IL17D: variants seen among roughly 807,000 people sequenced by gnomAD.
The protein encoded by IL17D is interleukin-17D.
Under a neutral mutation model 5.7 loss-of-function variants are expected in IL17D, and 10 were observed. The observed-to-expected ratio is 1.75, with a 90% CI of 1.08 to 2.97. The LOEUF is 2.97. Among genes scored for constraint, IL17D ranks in the 30% most tolerant of loss-of-function variants. The probability of loss-of-function intolerance (pLI) is 0.00; values close to 1 mark genes in which losing one functional copy is unlikely to be tolerated. For missense variants in IL17D, 354 were observed against 292.7 expected, an observed-to-expected ratio of 1.21 and a Z score of -1.53; for synonymous variants, 172 against 141.7, an observed-to-expected ratio of 1.21 and a Z score of -1.52.
chr13:20,715,173 A>G lies in IL17D; in HGVS notation c.291-6463A>G, dbSNP rs41331448. Among the ~76,000 whole-genome samples, 1,289 of 152,350 alleles carry G rather than the reference A, an allele frequency of 8.5e-3. 3 individuals are homozygous for G. Among genetic ancestry groups the G allele is most frequent in the South Asian group, 0.03 (144 of 4,822 alleles). ...TAAACATAGAGACCAACTGGTCTAT[A>G]CCAGGGCTGTCTATTAGAATTATCT... is the stretch of plus-strand genomic sequence containing the variant. On this transcript the variant is annotated intron_variant, in intron 1 of 1. Coordinates refer to ENST00000682841, the MANE Select transcript of IL17D (RefSeq NM_001385224.1).
At chr13:20,718,102 C>T (rs1461352048) in intron 1 of IL17D, among the ~76,000 whole-genome samples, 21 of 152,266 alleles carry the variant, frequency 1.4e-4, no homozygotes, top group Non-Finnish European at 4.4e-5. Flanking sequence ...AGAGGAATGC[C>T]TGACCCGCCC....
intron 1 of IL17D, among the ~76,000 whole-genome samples, chr13:20,709,844 GACATACC>G (rs1443855536): frequency 1.3e-5 from 2 of 152,202 alleles, no homozygotes; most frequent in Non-Finnish European, 2.9e-5. Flanking sequence ...AACAGCCTGG[GACATACC>G]AAGGGCATTG....
At chr13:20,701,747 G>C (rs111972468), upstream of IL17D, 12 of 152,260 alleles carry the variant, frequency 7.9e-5, no homozygotes, top group South Asian at 2.3e-3. Context: ...TGAAATTTGA[G>C]GGGAACTCAT....
At chr13:20,715,172 T>C (rs1250576562) in intron 1 of IL17D, among the ~76,000 whole-genome samples, 1 of 152,188 alleles carries the variant, frequency 6.6e-6, no homozygotes, top group East Asian at 1.9e-4. Flanking sequence ...AACTGGTCTA[T>C]ACCAGGGCTG....
At chr13:20,721,536 A>G in intron 1 of IL17D, 100 bp from the exon 2 acceptor site, 2 of 975,330 alleles carry the variant, frequency 2.1e-6, no homozygotes, top group Non-Finnish European at 3.0e-6. Context: ...GGAGGACAGG[A>G]CAGTCCCCGA....
intron 1 of IL17D, among the ~76,000 whole-genome samples, chr13:20,714,956 G>C (rs1468527058): frequency 6.6e-6 from 1 of 152,190 alleles, no homozygotes; most frequent in Admixed American, 6.5e-5. Context: ...AGCCACCAGA[G>C]CCCTACTATA....
rs2058678903 is a variant in IL17D at position 20,716,275 on chromosome 13, C to G, written c.291-5361C>G. ...AGATCTGCTGGCGTGAGTCTGCCCC[C>G]TCATTTCTTTTTCAAAATTGTCTTG... On this transcript the variant is annotated intron_variant, in intron 1 of 1. Coordinates refer to ENST00000682841, the MANE Select transcript of IL17D (RefSeq NM_001385224.1). The surrounding 1 kb of genome is among the most constrained non-coding windows in gnomAD (Gnocchi z 4.2). 6.1e-6 allele frequency: 1 copy of G among 164,856 alleles called. No homozygotes were observed. The highest frequency in any genetic ancestry group is 6.5e-5 in the Admixed American group (1 of 15,284). 10.2% of individuals were successfully genotyped at this position (164,856 alleles called of 1,614,324 possible).
intron 1 of IL17D, among the ~76,000 whole-genome samples, chr13:20,719,227 G>GCC (rs1265895239): frequency 8.1e-6 from 1 of 123,960 alleles, no homozygotes; most frequent in Non-Finnish European, 1.7e-5. Flanking sequence ...CACCACACAC[G>GCC]CCCATGCTTA....
In IL17D at chr13:20,703,973, G is replaced by A; in HGVS notation, c.-29G>A. On this transcript the variant is annotated 5_prime_UTR_variant, in exon 1 of 2. Coordinates refer to ENST00000682841, the MANE Select transcript of IL17D (RefSeq NM_001385224.1). ...GCGGGCTCCTCCGGCGCGTGCGGAC[G>A]CTGAGCGTGGCCTGTCCCTCAGGTC... 1 of 1,003,552 alleles carries A rather than the reference G, an allele frequency of 1.0e-6. No homozygotes were observed. Among genetic ancestry groups the A allele is most frequent in the Non-Finnish European group, 1.2e-6 (1 of 843,360 alleles). The allele number at this position is 1,003,552 out of a possible 1,614,324, so 62.2% of individuals were successfully genotyped here. A position where few individuals can be genotyped will look rare whatever the true frequency, so the allele number is the denominator to read the frequency against.
At chr13:20,719,684 C>G (rs1741732402) in intron 1 of IL17D, among the ~76,000 whole-genome samples, 1 of 152,212 alleles carries the variant, frequency 6.6e-6, no homozygotes. Context: ...ATGCTGAGAT[C>G]GGAAAATGAA....
intron 1 of IL17D, among the ~76,000 whole-genome samples, chr13:20,711,572 A>T (rs1222265038): frequency 3.3e-5 from 5 of 152,184 alleles, no homozygotes; most frequent in African/African-American, 1.2e-4. Context: ...TAGGGAGAAC[A>T]GGGGACAGGA....
intron 1 of IL17D, among the ~76,000 whole-genome samples, chr13:20,718,373 C>A (rs1349157285): frequency 6.6e-6 from 1 of 152,074 alleles, no homozygotes; most frequent in Non-Finnish European, 1.5e-5. Context: ...TGCCCACGCT[C>A]ACACGCACCT....
intron 1 of IL17D, among the ~76,000 whole-genome samples, chr13:20,720,032 T>G (rs945906154): frequency 6.6e-5 from 10 of 152,054 alleles, no homozygotes; most frequent in Non-Finnish European, 1.0e-4. Flanking sequence ...CCTTTGTTGG[T>G]CACGTCCTCA....
Position 20,704,295 on chromosome 13 carries a change from A to G in IL17D, c.290+4A>G, listed in dbSNP as rs1484350814. On this transcript the variant is annotated splice_donor_region_variant and intron_variant, in intron 1 of 1. Coordinates refer to ENST00000682841, the MANE Select transcript of IL17D (RefSeq NM_001385224.1). ...GCGTGTCGCCCTGGGCCTACAGGTG[A>G]GCCGCGGGCGCGTCCTGGCGGGGCC... The G allele has an allele frequency of 8.1e-5, 90 of 1,104,420 alleles. No individual in the cohort carries two copies. The highest frequency in any genetic ancestry group is 9.6e-5 in the Non-Finnish European group (88 of 915,776). 68.4% of individuals were successfully genotyped at this position (1,104,420 alleles called of 1,614,324 possible). A position where few individuals can be genotyped will look rare whatever the true frequency, so the allele number is the denominator to read the frequency against.
At chr13:20,702,514 T>C (rs1594993499), upstream of IL17D, 1 of 152,248 alleles carries the variant, frequency 6.6e-6, no homozygotes, top group East Asian at 1.9e-4. Flanking sequence ...AATGATCATA[T>C]TCTTTAGCCT....
intron 1 of IL17D, among the ~76,000 whole-genome samples, chr13:20,708,860 A>AAAAC (rs2058610927): frequency 1.3e-5 from 2 of 148,510 alleles, no homozygotes; most frequent in Admixed American, 6.7e-5. Flanking sequence ...AAAAAAAAAA[A>AAAAC]TTAGCCAGGA....
intron 1 of IL17D, among the ~76,000 whole-genome samples, chr13:20,705,099 C>T (rs970885926): frequency 6.6e-6 from 1 of 152,104 alleles, no homozygotes; most frequent in African/African-American, 2.4e-5. Flanking sequence ...TCAGCAGGCA[C>T]CTGTGACCGT....
chr13:20,713,004 CCT>C (rs2058652262), intron 1 of IL17D: 1 of 151,308 alleles, frequency 6.6e-6, no homozygotes. Flanking sequence ...TCCCTCCCTC[CCT>C]CTTTCTTTTT....
intron 1 of IL17D, among the ~76,000 whole-genome samples, chr13:20,706,658 C>T (rs1293653727): frequency 6.6e-6 from 1 of 152,262 alleles, no homozygotes; most frequent in Non-Finnish European, 1.5e-5. Context: ...CTGGTTGGAG[C>T]TCAGGAGACA....
Sources: allele counts gnomAD v4.1 joint callset (sites outside exome capture counted in the v4.1 genomes callset), GRCh38; gene constraint gnomAD v4.1.1; non-coding constraint Gnocchi (gnomAD v3.1); transcripts MANE v1.5; gene names NCBI Gene and HGNC (gene_info 2026-07-23, HGNC 2026-07-21).